The following MEF2A variants were observed in gnomAD, a reference collection of about 807,000 sequenced individuals.
The protein encoded by MEF2A is myocyte enhancer factor 2A.
In MEF2A, 28 loss-of-function variants were observed where a neutral mutation model predicts 55.8. The ratio of observed to expected loss-of-function variants is 0.50; its 90% CI spans 0.37 to 0.69. MEF2A has a LOEUF of 0.69. Ranked by LOEUF, MEF2A falls within the 30% of genes least tolerant of loss-of-function variation. The pLI is 0.00. For synonymous variants in MEF2A, 239 were observed against 227.1 expected, an observed-to-expected ratio of 1.05 and a Z score of -0.47; for missense variants, 528 against 626.2, an observed-to-expected ratio of 0.84 and a Z score of 1.67.
In MEF2A at chr15:99,675,403, G is replaced by T. The variant is rs2051770287; in HGVS notation, c.615G>T (p.Gly205=). The T allele has an allele frequency of 6.2e-7, 1 of 1,613,676 alleles. No individual in the cohort carries two copies. The highest frequency in any genetic ancestry group is 1.7e-5 in the Admixed American group (1 of 60,008). ...TTCTCTCCGTAACGTTGTTAGGTGG[G>T]ATGTTGAGCACTACAGACCTCACAG... ...QRPPSTGNAG[G]MLSTTDLTVP... is the part of the protein sequence containing the mutation. Residue 205 remains glycine (G), a synonymous_variant, in exon 7 of 12, where the codon GGG becomes GGT. Transcript: ENST00000557942.
At chr15:99,603,345 C>CA in intron 2 of MEF2A, among the ~76,000 whole-genome samples, 1 of 151,412 alleles carries the variant, frequency 6.6e-6, no homozygotes, top group East Asian at 1.9e-4. Context: ...TATTATAAGA[C>CA]ACAGTTGTGG....
chr15:99,695,469 A>G (rs1343667070), intron 8 of MEF2A, among the ~76,000 whole-genome samples: 1 of 152,160 alleles, frequency 6.6e-6, no homozygotes, highest in Non-Finnish European at 1.5e-5. Context: ...AGATAATGGT[A>G]GCTTTTAATC....
chr15:99,708,224 G>A (rs750057166), intron 10 of MEF2A, among the ~76,000 whole-genome samples: 12 of 152,224 alleles, frequency 7.9e-5, no homozygotes, highest in Non-Finnish European at 1.5e-4. Context: ...GTGGGTAACC[G>A]TGGAGGGGAA....
intron 2 of MEF2A, among the ~76,000 whole-genome samples, chr15:99,619,122 T>C (rs1293429503): frequency 2.0e-5 from 3 of 152,166 alleles, no homozygotes; most frequent in Non-Finnish European, 2.9e-5. Flanking sequence ...GATTTCTTTA[T>C]GTCTCTAGGG....
intron 2 of MEF2A, among the ~76,000 whole-genome samples, chr15:99,608,545 G>A (rs189056240): frequency 7.9e-4 from 121 of 152,214 alleles, no homozygotes; most frequent in Non-Finnish European, 1.5e-3. Context: ...CTCCCATCCT[G>A]TTTTTGTTTT....
At chr15:99,660,875 C>T (rs1428646520) in intron 4 of MEF2A, among the ~76,000 whole-genome samples, 1 of 151,916 alleles carries the variant, frequency 6.6e-6, no homozygotes, top group Admixed American at 6.6e-5. Context: ...AATCAGAATC[C>T]CAAGAAATAC....
chr15:99,669,957 T>C (rs988194095), intron 4 of MEF2A, among the ~76,000 whole-genome samples: 9 of 152,212 alleles, frequency 5.9e-5, no homozygotes, highest in Non-Finnish European at 1.2e-4. Flanking sequence ...CTAACTAAGC[T>C]CTGTTAGTTA....
chr15:99,712,747 G>A lies in MEF2A; in HGVS notation c.1494G>A (p.Met498Ile). ...EDRESPSVKR[M>I]RMDAWVT ...GAGAAAGCCCTTCTGTAAAGCGAAT[G>A]AGGATGGACGCGTGGGTGACCTAAG... The change falls in exon 12 of 12, where the codon ATG becomes ATA. Residue 498 changes from methionine to isoleucine, a missense_variant. Physicochemically the swap from Met to Ile is conservative, Grantham distance 10. Coordinates refer to ENST00000557942, the MANE Select transcript of MEF2A (RefSeq NM_001319206.4). The surrounding 1 kb of genome is among the most constrained non-coding windows in gnomAD (Gnocchi z 4.1). The A allele has an allele frequency of 6.4e-7, 1 of 1,560,140 alleles. No homozygotes were observed. The highest frequency in any genetic ancestry group is 8.7e-7 in the Non-Finnish European group (1 of 1,151,844).
intron 2 of MEF2A, among the ~76,000 whole-genome samples, chr15:99,615,448 C>T (rs773560657): frequency 1.1e-4 from 16 of 152,186 alleles, no homozygotes; most frequent in African/African-American, 2.4e-4. Context: ...TATTAAGTAA[C>T]GGTAATAATA....
chr15:99,660,933 AG>A, intron 4 of MEF2A, among the ~76,000 whole-genome samples: 1 of 152,236 alleles, frequency 6.6e-6, no homozygotes, highest in East Asian at 1.9e-4. Flanking sequence ...CAGAGAAAAT[AG>A]AACAGAAGAC....
At chr15:99,703,316 C>T in intron 8 of MEF2A, 46 bp from the exon 9 acceptor site, 3 of 1,600,302 alleles carry the variant, frequency 1.9e-6, no homozygotes, top group Non-Finnish European at 2.6e-6. Context: ...TTGTGAGTAC[C>T]AACAGTCTTA....
chr15:99,645,788 G>GC, intron 4 of MEF2A, 24 bp downstream of exon 4: 2 of 1,486,814 alleles, frequency 1.3e-6, no homozygotes, highest in Non-Finnish European at 1.8e-6. Flanking sequence ...AGTAATACGT[G>GC]AATTGCAAGT....
At chr15:99,711,023 A>G (rs1036857318) in intron 11 of MEF2A, among the ~76,000 whole-genome samples, 24 of 152,190 alleles carry the variant, frequency 1.6e-4, no homozygotes, top group Non-Finnish European at 5.9e-5. Context: ...GAGAGACTCA[A>G]CCAGGATCTG....
chr15:99,686,628 T>G (rs2054271957), intron 7 of MEF2A, among the ~76,000 whole-genome samples: 1 of 152,200 alleles, frequency 6.6e-6, no homozygotes, highest in African/African-American at 2.4e-5. Flanking sequence ...TACCTGATGC[T>G]TTTGCCTCTC....
At chr15:99,641,710 T>C (rs1277559368) in intron 3 of MEF2A, among the ~76,000 whole-genome samples, 1 of 151,894 alleles carries the variant, frequency 6.6e-6, no homozygotes, top group African/African-American at 2.4e-5. Context: ...GGCGACAGAG[T>C]GAGACTCTGT....
intron 1 of MEF2A, among the ~76,000 whole-genome samples, chr15:99,581,201 T>G (rs891808366): frequency 6.6e-6 from 1 of 152,148 alleles, no homozygotes; most frequent in African/African-American, 2.4e-5. Flanking sequence ...TAGACTTAAC[T>G]TCATTAGTCA....
intron 4 of MEF2A, among the ~76,000 whole-genome samples, chr15:99,646,221 G>T (rs2045941526): frequency 6.6e-6 from 1 of 152,026 alleles, no homozygotes; most frequent in African/African-American, 2.4e-5. Context: ...ACAGGAGAAA[G>T]TCCTCATTTT....
At chr15:99,633,317 A>G (rs142574783) in intron 3 of MEF2A, 144 bp downstream of exon 3, 1 of 543,146 alleles carries the variant, frequency 1.8e-6, no homozygotes, top group South Asian at 3.4e-5. Flanking sequence ...TCTAACAATC[A>G]TAAAATTGTA....
chr15:99,710,634 A>G lies in MEF2A; in HGVS notation c.1010A>G (p.Asp337Gly). ...AGAGCCCTCTTGTCTTCCTTTGTAG[A>G]TTATTCACTGACCAGCGCTGACCTG... is the stretch of plus-strand genomic sequence containing the variant. Reference protein sequence around the residue: ...YSAMPTAYNTDYSLTSADLSA... With the variant: ...YSAMPTAYNTGYSLTSADLSA... Residue 337 changes from aspartate to glycine, a missense_variant and splice_region_variant, in exon 11 of 12, where the codon GAT (aspartate) becomes GGT (glycine). Physicochemically the swap from Asp to Gly is moderately conservative, Grantham distance 94. Around this residue, in one of 2 missense-constraint regions of MEF2A, gnomAD observed 450 missense variants for 475.3 expected, o/e 0.95. Transcript: ENST00000557942. 1.9e-6 allele frequency: 3 copies of G among 1,609,466 alleles called. No homozygotes were observed. Among genetic ancestry groups the G allele is most frequent in the Middle Eastern group, 1.7e-4 (1 of 6,052 alleles).
Sources: gnomAD v4.1 joint callset for allele counts (sites outside exome capture counted in the v4.1 genomes callset) on GRCh38, gnomAD v4.1.1 for gene constraint, gnomAD v4.1.1 regional missense constraint, Gnocchi (gnomAD v3.1) non-coding constraint, MANE v1.5 for transcripts, NCBI Gene and HGNC (gene_info 2026-07-23, HGNC 2026-07-21) for gene names.